DNAJA2: variants seen among roughly 807,000 people sequenced by gnomAD.
DNAJA2 encodes dnaJ homolog subfamily A member 2.
A neutral mutation model predicts 49.3 loss-of-function variants in DNAJA2; 6 were observed. The ratio of observed to expected loss-of-function variants is 0.12; its 90% CI spans 0.07 to 0.24. DNAJA2 has a LOEUF of 0.24. Ranked by LOEUF, DNAJA2 falls within the 10% of genes least tolerant of loss-of-function variation. DNAJA2 has a pLI of 1.00. For synonymous variants in DNAJA2, 160 were observed against 172.7 expected, an observed-to-expected ratio of 0.93 and a Z score of 0.58; for missense variants, 347 against 516.8, an observed-to-expected ratio of 0.67 and a Z score of 3.19.
At chr16:46,966,135 G>A (rs1468060137) in intron 5 of DNAJA2, among the ~76,000 whole-genome samples, 1 of 152,196 alleles carries the variant, frequency 6.6e-6, no homozygotes, top group Non-Finnish European at 1.5e-5. Flanking sequence ...AGGGGCTGAG[G>A]TGGAAGGATT....
At chr16:46,969,375 G>A (rs1350288011) in intron 3 of DNAJA2, among the ~76,000 whole-genome samples, 1 of 152,162 alleles carries the variant, frequency 6.6e-6, no homozygotes, top group Non-Finnish European at 1.5e-5. Context: ...AACGCTTGTT[G>A]CATCTTGTAT....
chr16:46,966,199 C>G (rs544227243), intron 5 of DNAJA2, among the ~76,000 whole-genome samples: 2 of 152,098 alleles, frequency 1.3e-5, no homozygotes, highest in Admixed American at 6.6e-5. Flanking sequence ...CCACTGCACT[C>G]CAGCCCAGGC....
chr16:46,970,267 G>C (rs1185890798), intron 3 of DNAJA2, among the ~76,000 whole-genome samples: 2 of 152,208 alleles, frequency 1.3e-5, no homozygotes, highest in Non-Finnish European at 2.9e-5. Flanking sequence ...CCAAGGTCAG[G>C]CACCATTCAT....
intron 3 of DNAJA2, among the ~76,000 whole-genome samples, chr16:46,968,964 T>C (rs1962010662): frequency 6.6e-6 from 1 of 152,174 alleles, no homozygotes; most frequent in African/African-American, 2.4e-5. Context: ...GGGGAATTGC[T>C]TAAGCCCTGG....
At position 46,973,412 on chromosome 16, in the gene DNAJA2, A is replaced by T. The variant is rs985595084; in HGVS notation, c.78+83T>A. ...GCCGGCGCCGGCTCGCGGGCAGCCC[A>T]GTAGCGCGGCCTGGCTGAAGAAGAC... On this transcript the variant is annotated intron_variant, in intron 1 of 8. Transcript: ENST00000317089. 13 of 1,357,176 alleles carry T rather than the reference A, an allele frequency of 9.6e-6. No individual in the cohort carries two copies. In the African/African-American group the frequency reaches 2.0e-4, roughly 21 times the overall value. 84.1% of individuals were successfully genotyped at this position (1,357,176 alleles called of 1,614,324 possible). A position where few individuals can be genotyped will look rare whatever the true frequency, so the allele number is the denominator to read the frequency against.
rs773099184 is a variant in DNAJA2, at chr16:46,959,385, G to A, written c.809C>T (p.Thr270Ile). ...AGCTTCAACAAGTCCTATTTTATAT[G>A]TCATGTGCAAATCATTCCCATCTCT... ...FQRDGNDLHM[T>I]YKIGLVEALC... Residue 270 changes from threonine to isoleucine, a missense_variant, in exon 7 of 9, where the codon ACA (threonine) becomes ATA (isoleucine). By Grantham distance (89) the Thr-to-Ile change is moderately conservative. Transcript: ENST00000317089. 6.2e-7 allele frequency: 1 copy of A among 1,613,266 alleles called. No individual in the cohort carries two copies. Among genetic ancestry groups the A allele is most frequent in the East Asian group, 2.2e-5 (1 of 44,866 alleles).
chr16:46,970,898 T>A (rs1270729606), intron 3 of DNAJA2, among the ~76,000 whole-genome samples: 1 of 148,556 alleles, frequency 6.7e-6, no homozygotes, highest in African/African-American at 2.5e-5. Flanking sequence ...ATTAGCCGGG[T>A]GTGTTGGCAT....
intron 1 of DNAJA2, chr16:46,972,233 A>C (rs1487140702): frequency 2.7e-6 from 1 of 372,402 alleles, no homozygotes; most frequent in Non-Finnish European, 4.8e-6. Flanking sequence ...AAACGTTCAA[A>C]CATTATCCAT....
At position 46,970,773 on chromosome 16, in the gene DNAJA2, T is replaced by C. The variant is rs1469256345; in HGVS notation, c.362+576A>G. Among the ~76,000 whole-genome samples, 3 of 119,602 alleles carry C rather than the reference T, an allele frequency of 2.5e-5. No homozygotes were observed. In the East Asian group the frequency reaches 8.6e-4, roughly 34 times the overall value. The allele number at this position is 119,602 out of a possible 152,430, so 78.5% of individuals were successfully genotyped here. A position where few individuals can be genotyped will look rare whatever the true frequency, so the allele number is the denominator to read the frequency against. ...AAAAAAAAAGGTCGGGCACAGTGGC[T>C]CACGCCTGTAATCCCAGCACTTTGG... On this transcript the variant is annotated intron_variant, in intron 3 of 8. Coordinates refer to ENST00000317089, the MANE Select transcript of DNAJA2 (RefSeq NM_005880.4).
chr16:46,959,719 G>A (rs1043737533), intron 6 of DNAJA2: 1 of 241,542 alleles, frequency 4.1e-6, no homozygotes, highest in African/African-American at 2.2e-5. Flanking sequence ...CCCACTTTCA[G>A]ACTCTGCCTC....
intron 3 of DNAJA2, among the ~76,000 whole-genome samples, chr16:46,968,855 G>A (rs1475798289): frequency 6.6e-6 from 1 of 152,126 alleles, no homozygotes; most frequent in Non-Finnish European, 1.5e-5. Context: ...AGACCAGCCT[G>A]AGCAACTTAG....
intron 3 of DNAJA2, among the ~76,000 whole-genome samples, chr16:46,970,756 A>AAAAAAAAAG (rs1962033694): frequency 1.4e-5 from 2 of 145,386 alleles, no homozygotes; most frequent in Admixed American, 6.9e-5. Context: ...AAAAAAAAAA[A>AAAAAAAAAG]GGTCGGGCAC....
intron 6 of DNAJA2, among the ~76,000 whole-genome samples, chr16:46,964,252 G>A (rs1961937665): frequency 6.6e-6 from 1 of 152,112 alleles, no homozygotes; most frequent in Non-Finnish European, 1.5e-5. Flanking sequence ...CATGCCTGTA[G>A]TCCCAACTAC....
chr16:46,967,722 G>T, intron 4 of DNAJA2, 76 bp from the exon 5 acceptor site: 1 of 1,579,316 alleles, frequency 6.3e-7, no homozygotes. Flanking sequence ...CAGAAATTGT[G>T]CTTTTACCTT....
intron 5 of DNAJA2, among the ~76,000 whole-genome samples, chr16:46,966,118 T>G (rs895957455): frequency 3.3e-5 from 5 of 151,950 alleles, no homozygotes; most frequent in Non-Finnish European, 7.4e-5. Context: ...CAGCTAATTG[T>G]GGGGCGAGGG....
chr16:46,964,267 G>A (rs1961938099), intron 6 of DNAJA2, among the ~76,000 whole-genome samples: 1 of 152,184 alleles, frequency 6.6e-6, no homozygotes, highest in Non-Finnish European at 1.5e-5. Context: ...AACTACTCGG[G>A]AGGCTGAGGC....
At chr16:46,970,744 A>AAAAAAAAAAAAAAAAC (rs1962033457) in intron 3 of DNAJA2, among the ~76,000 whole-genome samples, 1 of 140,980 alleles carries the variant, frequency 7.1e-6, no homozygotes, top group South Asian at 2.3e-4. Context: ...AAAAAAAAAA[A>AAAAAAAAAAAAAAAAC]AAAAAAAAAA....
In DNAJA2 at chr16:46,971,724, G is replaced by A. The variant is rs772840072; in HGVS notation, c.139-152C>T. ...ATTCTGGTTCTATTTACCACCCACC[G>A]CTCCTCAGAATGGTAGTACTCTTAT... is the stretch of plus-strand genomic sequence containing the variant. On this transcript the variant is annotated intron_variant, in intron 2 of 8. Coordinates refer to ENST00000317089, the MANE Select transcript of DNAJA2 (RefSeq NM_005880.4). 38 of 781,438 alleles carry A rather than the reference G, an allele frequency of 4.9e-5. 1 individual carries two copies. Among genetic ancestry groups the A allele is most frequent in the South Asian group, 2.8e-4 (18 of 63,884 alleles). The allele number at this position is 781,438 out of a possible 1,614,324, so 48.4% of individuals were successfully genotyped here.
intron 8 of DNAJA2, 83 bp from the exon 9 acceptor site, chr16:46,957,303 T>A: frequency 1.5e-6 from 2 of 1,318,020 alleles, no homozygotes; most frequent in Non-Finnish European, 2.1e-6. Flanking sequence ...AGTGTCTGTT[T>A]AAGAGTTTAA....
Sources: allele counts gnomAD v4.1 joint callset (sites outside exome capture counted in the v4.1 genomes callset), GRCh38; gene constraint gnomAD v4.1.1; transcripts MANE v1.5; gene names NCBI Gene and HGNC (gene_info 2026-07-23, HGNC 2026-07-21).